The following NR3C2 variants were observed in gnomAD, a reference collection of about 807,000 sequenced individuals.
NR3C2 encodes the protein nuclear receptor subfamily 3 group C member 2.
NR3C2 carries 15 observed loss-of-function variants against 86.4 expected under a neutral mutation model. The ratio of observed to expected loss-of-function variants is 0.17; its 90% confidence interval spans 0.12 to 0.27. NR3C2 has a LOEUF of 0.27. Ranked by LOEUF, NR3C2 falls within the 10% of genes least tolerant of loss-of-function variation. NR3C2 has a pLI of 1.00. For missense variants in NR3C2, 960 were observed against 1,195.6 expected (o/e 0.80, Z 2.91); for synonymous variants, 458 against 450.5 (o/e 1.02, Z -0.21).
chr4:148,132,490 A>G (rs1733084296), intron 6 of NR3C2, among the ~76,000 whole-genome samples: 1 of 152,242 alleles, frequency 6.6e-6, no homozygotes, highest in South Asian at 2.1e-4. Context: ...GTACAGGGAA[A>G]TCCATGAATA....
chr4:148,342,353 G>A (rs573063732), intron 2 of NR3C2, among the ~76,000 whole-genome samples: 1 of 152,236 alleles, frequency 6.6e-6, no homozygotes, highest in South Asian at 2.1e-4. Context: ...ATTTCAGACA[G>A]ATCTCTGTTT....
At chr4:148,440,850 A>C (rs1750304892) in intron 1 of NR3C2, among the ~76,000 whole-genome samples, 1 of 152,236 alleles carries the variant, frequency 6.6e-6, no homozygotes, top group Non-Finnish European at 1.5e-5. Context: ...AAACACTTTC[A>C]CTTTTAGTAA....
chr4:148,378,965 T>C (rs1746818077), intron 2 of NR3C2, among the ~76,000 whole-genome samples: 1 of 152,060 alleles, frequency 6.6e-6, no homozygotes, highest in South Asian at 2.1e-4. Flanking sequence ...TATATAGCAA[T>C]GAAAACAAAT....
chr4:148,136,723 T>C (rs1348632698), intron 6 of NR3C2, among the ~76,000 whole-genome samples: 2 of 152,084 alleles, frequency 1.3e-5, no homozygotes, highest in African/African-American at 4.8e-5. Context: ...CTCAGCTCAC[T>C]GCAACCTCTG....
At chr4:148,224,021 C>T (rs1050580023) in intron 3 of NR3C2, among the ~76,000 whole-genome samples, 7 of 151,594 alleles carry the variant, frequency 4.6e-5, no homozygotes, top group African/African-American at 1.7e-4. Context: ...CATTCACAAA[C>T]ATATGTTGAC....
At chr4:148,085,768 A>G (rs946831179) in intron 8 of NR3C2, among the ~76,000 whole-genome samples, 2 of 152,226 alleles carry the variant, frequency 1.3e-5, no homozygotes, top group Admixed American at 1.3e-4. Flanking sequence ...AGAGAGAAGA[A>G]TCAAACACAA....
intron 8 of NR3C2, among the ~76,000 whole-genome samples, chr4:148,097,387 C>T (rs1731326647): frequency 6.6e-6 from 1 of 152,202 alleles, no homozygotes; most frequent in South Asian, 2.1e-4. Context: ...GAATACTGAA[C>T]AATTGCTCCT....
At chr4:148,421,397 T>C (rs895594759) in intron 2 of NR3C2, among the ~76,000 whole-genome samples, 3 of 152,236 alleles carry the variant, frequency 2.0e-5, no homozygotes, top group African/African-American at 7.2e-5. Flanking sequence ...CTTTAAAATG[T>C]CCATGTTTTC....
At chr4:148,091,532 A>T (rs2149709896) in intron 8 of NR3C2, among the ~76,000 whole-genome samples, 2 of 152,354 alleles carry the variant, frequency 1.3e-5, no homozygotes, top group East Asian at 3.9e-4. Context: ...GGTGAGATTC[A>T]CATATCAAAC....
intron 3 of NR3C2, among the ~76,000 whole-genome samples, chr4:148,210,050 C>A (rs1434256535): frequency 6.6e-6 from 1 of 152,186 alleles, no homozygotes; most frequent in African/African-American, 2.4e-5. Context: ...TCCTTCCCTT[C>A]CATTCCCTCC....
At chr4:148,369,378 A>G (rs1292180502) in intron 2 of NR3C2, among the ~76,000 whole-genome samples, 1 of 152,182 alleles carries the variant, frequency 6.6e-6, no homozygotes, top group Non-Finnish European at 1.5e-5. Flanking sequence ...GCCCCTTCCA[A>G]TATGTTTAAT....
At chr4:148,231,281 C>A (rs2149837870) in intron 3 of NR3C2, among the ~76,000 whole-genome samples, 1 of 152,288 alleles carries the variant, frequency 6.6e-6, no homozygotes, top group Admixed American at 6.5e-5. Context: ...TTCAATTCGG[C>A]CTTTTTGCTA....
intron 2 of NR3C2, among the ~76,000 whole-genome samples, chr4:148,364,328 G>A (rs544223988): frequency 6.6e-6 from 1 of 152,298 alleles, no homozygotes; most frequent in South Asian, 2.1e-4. Context: ...GCTTTAGGGA[G>A]CACTGAAGTC....
chr4:148,443,125 G>C (rs972988278), upstream of NR3C2, among the ~76,000 whole-genome samples: 1 of 144,910 alleles, frequency 6.9e-6, no homozygotes, highest in Non-Finnish European at 1.5e-5. Flanking sequence ...CAGCGAGCAA[G>C]ACGATCACGT....
chr4:148,371,688 A>T (rs1251430655), intron 2 of NR3C2, among the ~76,000 whole-genome samples: 1 of 152,136 alleles, frequency 6.6e-6, no homozygotes, highest in African/African-American at 2.4e-5. Flanking sequence ...TTTACACTGT[A>T]CACTTTCCTT....
intron 3 of NR3C2, among the ~76,000 whole-genome samples, chr4:148,221,738 CA>C (rs1200869781): frequency 6.6e-6 from 1 of 151,512 alleles, no homozygotes; most frequent in African/African-American, 2.4e-5. Context: ...ACTAGAAATA[CA>C]AAAAATTAGC....
At chr4:148,233,578 T>C (rs7668619) in intron 3 of NR3C2, among the ~76,000 whole-genome samples, 1,639 of 152,174 alleles carry the variant, frequency 0.011, 22 homozygotes, top group African/African-American at 0.037. Flanking sequence ...CAGGCTGGTC[T>C]CAAACTCCTG....
At chr4:148,243,583 T>C (rs1385616281) in intron 3 of NR3C2, among the ~76,000 whole-genome samples, 1 of 152,204 alleles carries the variant, frequency 6.6e-6, no homozygotes, top group African/African-American at 2.4e-5. Context: ...GAATATTATA[T>C]GCCACTTGGA....
intron 2 of NR3C2, among the ~76,000 whole-genome samples, chr4:148,354,295 T>C (rs1166285957): frequency 6.6e-6 from 1 of 152,148 alleles, no homozygotes; most frequent in Non-Finnish European, 1.5e-5. Context: ...GAACACAGTA[T>C]ATTATATATA....
Sources: allele counts gnomAD v4.1 joint callset (sites outside exome capture counted in the v4.1 genomes callset), GRCh38; gene constraint gnomAD v4.1.1; transcripts MANE v1.5; gene names NCBI Gene and HGNC (gene_info 2026-07-23, HGNC 2026-07-21).